MXRA5: variants seen among roughly 807,000 people sequenced by gnomAD.
MXRA5 encodes the protein matrix remodeling associated 5, also known as matrix-remodeling-associated protein 5.
A neutral mutation model predicts 112.5 loss-of-function variants in MXRA5; 41 were observed. The ratio of observed to expected loss-of-function variants is 0.36; its 90% CI spans 0.28 to 0.47. The LOEUF is 0.47. MXRA5 is among the 20% of genes least tolerant of loss of function. The probability of loss-of-function intolerance (pLI) is 0.99; values close to 1 mark genes in which losing one functional copy is unlikely to be tolerated. For missense variants in MXRA5, 2,150 were observed against 2,251.0 expected (o/e 0.96, Z 0.91); for synonymous variants, 862 against 900.8 (o/e 0.96, Z 0.77).
At chrX:3,318,065 G>A (rs1648783524) in intron 5 of MXRA5, 62 bp from the exon 6 acceptor site, 33 of 952,618 alleles carry the variant, frequency 3.5e-5, no homozygotes, top group Non-Finnish European at 3.9e-5. Flanking sequence ...ATGCTCAAAC[G>A]AGCAGTATTA....
chrX:3,325,018 G>A (rs1569184467), intron 4 of MXRA5, 43 bp from the exon 5 acceptor site: 3 of 1,123,100 alleles, frequency 2.7e-6, no homozygotes, highest in East Asian at 3.1e-5. Context: ...AGGAGCCAAA[G>A]AATGGCATGC....
At chrX:3,332,370 G>A (rs1339522348) in intron 2 of MXRA5, among the ~76,000 whole-genome samples, 4 of 110,142 alleles carry the variant, frequency 3.6e-5, no homozygotes, top group African/African-American at 1.3e-4. Context: ...TCAGCCTCCC[G>A]AGTAGCTGGG....
chrX:3,341,253 A>T (rs1921948827), intron 2 of MXRA5, among the ~76,000 whole-genome samples: 1 of 47,625 alleles, frequency 2.1e-5, no homozygotes, highest in Non-Finnish European at 3.5e-5. Context: ...TATATATATA[A>T]TATATAATAG....
At position 3,320,748 on chromosome X, in the gene MXRA5, G is replaced by T. The variant is rs776059397; in HGVS notation, c.4937C>A (p.Pro1646Gln). ...CCCAGAAGGATATGTAGTTATTTCCGGTTTGTTGGTCCAGTGACGAGGTGA... is the reference window on the plus strand; with the variant it reads ...CCCAGAAGGATATGTAGTTATTTCCTGTTTGTTGGTCCAGTGACGAGGTGA... ...SQSPRHWTNK[P>Q]EITTYPSGAL... Residue 1646 changes from proline (P) to glutamine (Q), a missense_variant, in exon 5 of 7, where the codon CCG becomes CAG. By Grantham distance (76) the Pro-to-Gln change is moderately conservative. Around this residue, in one of 6 missense-constraint regions of MXRA5, gnomAD observed 1,485 missense variants for 1,471.6 expected, o/e 1.01. Coordinates refer to ENST00000217939, the MANE Select transcript of MXRA5 (RefSeq NM_015419.4). 4.1e-6 allele frequency: 5 copies of T among 1,210,271 alleles called. No homozygotes were observed. The Middle Eastern group carries it at 1.1e-3, about 277-fold the overall frequency.
chrX:3,326,971 A>C (rs1340964424), intron 4 of MXRA5, among the ~76,000 whole-genome samples: 1 of 111,355 alleles, frequency 9.0e-6, no homozygotes, highest in Non-Finnish European at 1.9e-5. Flanking sequence ...GAGTCCTCAA[A>C]CTGACATCTA....
intron 6 of MXRA5, among the ~76,000 whole-genome samples, chrX:3,313,722 T>C (rs1416045542): frequency 2.7e-5 from 3 of 112,460 alleles, no homozygotes; most frequent in East Asian, 5.5e-4. Flanking sequence ...GAGACATTAA[T>C]GGAATGACCC....
Position 3,311,502 on chromosome X carries a change from A to T in MXRA5, c.6701T>A (p.Leu2234His). The T allele has an allele frequency of 1.7e-6, 2 of 1,211,615 alleles. No homozygotes were observed. Among genetic ancestry groups the T allele is most frequent in the Non-Finnish European group, 2.2e-6 (2 of 895,479 alleles). ...RNKVGDDYVV[L>H]KVDVVMKPAK... ...CGGTTTCATCACCACATCCACTTTG[A>T]GCACCACGTAGTCATCACCAACCTT... is the stretch of plus-strand genomic sequence containing the variant. The change falls in exon 7 of 7, where the codon CTC becomes CAC. Residue 2234 changes from leucine to histidine, a missense_variant. By Grantham distance (99) the Leu-to-His change is moderately conservative. Transcript: ENST00000217939.
chrX:3,346,462 C>A, intron 1 of MXRA5, 53 bp downstream of exon 1: 1 of 731,267 alleles, frequency 1.4e-6, no homozygotes, highest in Non-Finnish European at 1.6e-6. Context: ...CCCTTCACCC[C>A]CTGCAGGCAG....
Position 3,317,565 on chromosome X carries a change from C to A in MXRA5, c.6116G>T (p.Arg2039Leu). The A allele has an allele frequency of 8.3e-7, 1 of 1,210,194 alleles. No individual in the cohort carries two copies. The change falls in exon 6 of 7, where the codon CGC (arginine) becomes CTC (leucine). Residue 2039 changes from arginine (R) to leucine (L), a missense_variant. This residue lies in a region of MXRA5 where 1,485 missense variants were observed against 1,471.6 expected (regional missense o/e 1.01). Coordinates refer to ENST00000217939, the MANE Select transcript of MXRA5 (RefSeq NM_015419.4). ...GGGGGGCAGTGCCGCCACGTGCAGG[C>A]GGATGGCCAGGCTGTCCGCCCCGGC... ...NAAGADSLAI[R>L]LHVAALPPVI...
Position 3,309,980 on chromosome X carries a change from C to T in MXRA5, c.8223G>A (p.Pro2741=). The stretch of plus-strand genomic sequence containing the variant: ...TGTTCCCGGGCCGGGTGTAGATGAC[C>T]GGGGTGGGCTCGCTGGTGATCCGGG... ...YPPRITSEPT[P]VIYTRPGNTV... Residue 2741 remains proline (P), a synonymous_variant, in exon 7 of 7, where the codon CCG becomes CCA. Coordinates refer to ENST00000217939, the MANE Select transcript of MXRA5 (RefSeq NM_015419.4). 6 of 1,208,135 alleles carry T rather than the reference C, an allele frequency of 5.0e-6. No homozygotes were observed. Among genetic ancestry groups the T allele is most frequent in the Non-Finnish European group, 5.6e-6 (5 of 894,007 alleles).
At chrX:3,338,860 T>C (rs1203008199) in intron 2 of MXRA5, among the ~76,000 whole-genome samples, 2 of 109,977 alleles carry the variant, frequency 1.8e-5, no homozygotes, top group East Asian at 5.7e-4. Context: ...GGTAGATAGA[T>C]ATAGACAGGT....
intron 2 of MXRA5, among the ~76,000 whole-genome samples, 153 bp from the exon 3 acceptor site, chrX:3,330,926 A>T (rs1393112067): frequency 4.5e-5 from 5 of 111,474 alleles, no homozygotes; most frequent in African/African-American, 1.6e-4. Flanking sequence ...TTTATTAGAG[A>T]CAATCTTACT....
intron 6 of MXRA5, among the ~76,000 whole-genome samples, chrX:3,313,951 G>C (rs970281146): frequency 4.5e-5 from 5 of 111,727 alleles, no homozygotes; most frequent in Non-Finnish European, 5.6e-5. Flanking sequence ...CAGGGAAAAG[G>C]CATCTCAGCC....
At position 3,326,306 on chromosome X, in the gene MXRA5, A is replaced by G. The variant is rs1322518287; in HGVS notation, c.710-1331T>C. Among the ~76,000 whole-genome samples the G allele has an allele frequency of 2.5e-4, 14 of 55,650 alleles. No homozygotes were observed. In the Admixed American group the frequency reaches 3.2e-3, roughly 13 times the overall value. 48.3% of individuals were successfully genotyped at this position (55,650 alleles called of 115,157 possible). A position where few individuals can be genotyped will look rare whatever the true frequency, so the allele number is the denominator to read the frequency against. ...CTCTATATATTTATACATTTATAAT[A>G]TATAATTTGTATATAATCAATATGT... On this transcript the variant is annotated intron_variant, in intron 4 of 6. Transcript: ENST00000217939.
At position 3,314,235 on chromosome X, in the gene MXRA5, T is replaced by C. The variant is rs1340341340; in HGVS notation, c.6579-2611A>G. On this transcript the variant is annotated intron_variant, in intron 6 of 6. Transcript: ENST00000217939. ...TATTAGCTCTTTTTTTGTATCTAGC[T>C]CAGGGTTTCTCAATCTTGGCACTAG... is the stretch of plus-strand genomic sequence containing the variant. Among the ~76,000 whole-genome samples the C allele has an allele frequency of 3.6e-5, 4 of 112,307 alleles. No homozygotes were observed. The East Asian group carries it at 1.1e-3, about 31-fold the overall frequency.
Position 3,308,594 on chromosome X carries a change from A to C in MXRA5, c.*1122T>G, listed in dbSNP as rs1807392687. On this transcript the variant is annotated 3_prime_UTR_variant, in exon 7 of 7. Transcript: ENST00000217939. ...TGGGAGAATATTATTTTATTATCAA[A>C]TGTACAGTATATTGACCTTAAAAAT... 8.9e-6 allele frequency: 1 copy of C among 112,078 alleles called. No individual in the cohort carries two copies. The highest frequency in any genetic ancestry group is 3.2e-5 in the African/African-American group (1 of 30,806). The allele number at this position is 112,078 out of a possible 1,213,427, so 9.2% of individuals were successfully genotyped here.
rs749769114 is a variant in MXRA5 at position 3,311,262 on chromosome X, A to C, written c.6941T>G (p.Val2314Gly). 8.3e-7 allele frequency: 1 copy of C among 1,210,726 alleles called. No homozygotes were observed. Among genetic ancestry groups the C allele is most frequent in the Non-Finnish European group, 1.1e-6 (1 of 895,185 alleles). The part of the protein sequence containing the change: ...FNNGTLYFNE[V>G]GMREEGDYTC... ...GTAGTCTCCTTCCTCCCTCATCCCC[A>C]CTTCGTTAAAGTAGAGTGTCCCATT... Residue 2314 changes from valine to glycine, a missense_variant, in exon 7 of 7, where the codon GTG becomes GGG. By Grantham distance (109) the Val-to-Gly change is moderately radical. This residue lies in a region of MXRA5 where 1,485 missense variants were observed against 1,471.6 expected (regional missense o/e 1.01). Coordinates refer to ENST00000217939, the MANE Select transcript of MXRA5 (RefSeq NM_015419.4).
At chrX:3,330,847 T>G in intron 2 of MXRA5, 74 bp from the exon 3 acceptor site, 3 of 754,284 alleles carry the variant, frequency 4.0e-6, no homozygotes, top group Non-Finnish European at 5.5e-6. Flanking sequence ...AACTCCCATA[T>G]GGGAAACATT....
chrX:3,327,429 C>T (rs1165108637), intron 4 of MXRA5, among the ~76,000 whole-genome samples: 3 of 112,266 alleles, frequency 2.7e-5, no homozygotes, highest in African/African-American at 9.7e-5. Context: ...AGCGAATGAG[C>T]GCAGCCTCTA....
Sources: allele counts gnomAD v4.1 joint callset (sites outside exome capture counted in the v4.1 genomes callset), GRCh38; gene constraint gnomAD v4.1.1; regional missense constraint gnomAD v4.1.1; transcripts MANE v1.5; gene names NCBI Gene and HGNC (gene_info 2026-07-23, HGNC 2026-07-21).